The following TMEM135 variants were observed in gnomAD, a reference collection of about 807,000 sequenced individuals.
TMEM135 encodes transmembrane protein 135.
TMEM135 carries 30 observed loss-of-function variants against 60.3 expected under a neutral mutation model. The observed-to-expected ratio is 0.50, with a 90% confidence interval of 0.37 to 0.68. TMEM135 has a LOEUF of 0.68. Among genes scored for constraint, TMEM135 ranks in the 30% least tolerant of loss-of-function variants. The pLI is 0.00. For missense variants in TMEM135, 468 were observed against 548.8 expected (o/e 0.85, Z 1.47); for synonymous variants, 190 against 186.7 (o/e 1.02, Z -0.14).
Position 87,098,396 on chromosome 11 carries a change from A to G in TMEM135, c.396+7001A>G, listed in dbSNP as rs545691697. On this transcript the variant is annotated intron_variant, in intron 4 of 14. Coordinates refer to ENST00000305494, the MANE Select transcript of TMEM135 (RefSeq NM_022918.4). ...TACAAGTAAAACCTTGCTTTATTTG[A>G]CTGCATTAATGTTGTATTTTAGATT... 9.7e-5 allele frequency among the ~76,000 whole-genome samples: 10 copies of G among 102,926 alleles called. 1 individual carries two copies. Among genetic ancestry groups the G allele is most frequent in the African/African-American group, 4.2e-4 (9 of 21,512 alleles). 67.5% of individuals were successfully genotyped at this position (102,926 alleles called of 152,430 possible).
intron 4 of TMEM135, among the ~76,000 whole-genome samples, chr11:87,119,882 T>TG (rs138465013): frequency 0.067 from 9,818 of 147,600 alleles, 412 homozygotes; most frequent in South Asian, 0.13. Context: ...ACCTTTACTT[T>TG]TTTAAAAAAA....
intron 6 of TMEM135, among the ~76,000 whole-genome samples, chr11:87,280,646 A>G (rs1047112127): frequency 2.0e-4 from 30 of 152,180 alleles, no homozygotes; most frequent in African/African-American, 7.0e-4. Flanking sequence ...TGTGTACTTT[A>G]TATTAAAGTA....
chr11:87,272,686 T>C (rs1941893247), intron 6 of TMEM135, among the ~76,000 whole-genome samples: 1 of 152,114 alleles, frequency 6.6e-6, no homozygotes, highest in African/African-American at 2.4e-5. Context: ...GGTCTTGAAC[T>C]CCTGGGCTCA....
intron 6 of TMEM135, among the ~76,000 whole-genome samples, chr11:87,286,253 A>G (rs1565156968): frequency 6.6e-6 from 1 of 151,340 alleles, no homozygotes; most frequent in Admixed American, 6.6e-5. Context: ...TGAGCTAGAC[A>G]CAGAGTGCTT....
At chr11:87,039,174 G>A (rs1487092222) in intron 1 of TMEM135, among the ~76,000 whole-genome samples, 1 of 152,156 alleles carries the variant, frequency 6.6e-6, no homozygotes, top group East Asian at 1.9e-4. Flanking sequence ...AGTGTGTCAT[G>A]GCTGTATCTG....
intron 5 of TMEM135, among the ~76,000 whole-genome samples, chr11:87,218,132 T>C (rs542052072): frequency 6.6e-6 from 1 of 152,240 alleles, no homozygotes; most frequent in African/African-American, 2.4e-5. Context: ...AGGCCAGCGA[T>C]GCTACTAAAC....
intron 4 of TMEM135, among the ~76,000 whole-genome samples, chr11:87,112,733 T>C (rs1208827522): frequency 1.3e-5 from 2 of 152,052 alleles, no homozygotes; most frequent in African/African-American, 2.4e-5. Flanking sequence ...TGGAAGAAAA[T>C]CGTGTAGGGC....
At chr11:87,236,544 A>G (rs1940999974) in intron 5 of TMEM135, 94 bp from the exon 6 acceptor site, 7 of 1,016,178 alleles carry the variant, frequency 6.9e-6, no homozygotes, top group Non-Finnish European at 9.3e-6. Flanking sequence ...TTATTGTTTC[A>G]GGCACAAGAT....
intron 5 of TMEM135, among the ~76,000 whole-genome samples, chr11:87,210,958 A>G (rs1230311615): frequency 6.6e-6 from 1 of 152,234 alleles, no homozygotes; most frequent in Non-Finnish European, 1.5e-5. Flanking sequence ...ACTTCATGCT[A>G]AAAACCTCAA....
intron 4 of TMEM135, among the ~76,000 whole-genome samples, chr11:87,094,295 C>A (rs79023472): frequency 0.012 from 1,861 of 152,246 alleles, 35 homozygotes; most frequent in African/African-American, 0.038. Context: ...CTATATAATA[C>A]TTTTCTGAAG....
At position 87,323,256 on chromosome 11, in the gene TMEM135, T is replaced by A. The variant is rs1289519260; in HGVS notation, c.*1923T>A. On this transcript the variant is annotated 3_prime_UTR_variant, in exon 15 of 15. Transcript: ENST00000305494. Reference sequence around the variant, plus strand: ...AAATTGCAGTCATTTTTTTAAATTTTATGTAAAATGTAAAATGAAATAGCT... The same window carrying A: ...AAATTGCAGTCATTTTTTTAAATTTAATGTAAAATGTAAAATGAAATAGCT... 3 of 453,704 alleles carry A rather than the reference T, an allele frequency of 6.6e-6. No individual in the cohort carries two copies. Among genetic ancestry groups the A allele is most frequent in the South Asian group, 4.7e-5 (3 of 64,354 alleles). The allele number at this position is 453,704 out of a possible 1,614,324, so 28.1% of individuals were successfully genotyped here.
chr11:87,146,499 C>T (rs189776521), intron 4 of TMEM135, among the ~76,000 whole-genome samples: 1 of 152,242 alleles, frequency 6.6e-6, no homozygotes, highest in Non-Finnish European at 1.5e-5. Context: ...ACTTTAGCCT[C>T]CCAAGTAGCT....
At chr11:87,265,225 C>A (rs1027873609) in intron 6 of TMEM135, among the ~76,000 whole-genome samples, 10 of 151,846 alleles carry the variant, frequency 6.6e-5, no homozygotes, top group Admixed American at 1.3e-4. Context: ...GATTTTTAGT[C>A]CTACACATCT....
intron 1 of TMEM135, among the ~76,000 whole-genome samples, chr11:87,061,783 G>T (rs1159011758): frequency 1.3e-5 from 2 of 152,186 alleles, no homozygotes; most frequent in Admixed American, 1.3e-4. Flanking sequence ...AATAACAAGA[G>T]AATGTATATA....
intron 4 of TMEM135, among the ~76,000 whole-genome samples, chr11:87,109,748 G>T (rs1470891740): frequency 6.6e-6 from 1 of 151,916 alleles, no homozygotes; most frequent in Non-Finnish European, 1.5e-5. Flanking sequence ...AATCATCCTG[G>T]AGTTTTACGT....
intron 4 of TMEM135, among the ~76,000 whole-genome samples, chr11:87,149,191 T>G (rs1938489975): frequency 6.6e-6 from 1 of 152,220 alleles, no homozygotes; most frequent in South Asian, 2.1e-4. Context: ...TGCTTAACTT[T>G]GTCTTGACAA....
At chr11:87,170,714 A>T (rs1326701356) in intron 5 of TMEM135, among the ~76,000 whole-genome samples, 1 of 152,128 alleles carries the variant, frequency 6.6e-6, no homozygotes, top group Non-Finnish European at 1.5e-5. Context: ...CTCCTGTATG[A>T]GGTGTCTGTT....
chr11:87,040,902 G>A (rs751523090), intron 1 of TMEM135, among the ~76,000 whole-genome samples: 12 of 152,106 alleles, frequency 7.9e-5, no homozygotes, highest in Non-Finnish European at 1.3e-4. Context: ...GGTAGGGAAG[G>A]CCTCTTGAAG....
At chr11:87,119,018 C>T (rs1333530808) in intron 4 of TMEM135, among the ~76,000 whole-genome samples, 3 of 152,188 alleles carry the variant, frequency 2.0e-5, no homozygotes, top group African/African-American at 7.2e-5. Context: ...TCTTGTCATT[C>T]GTGTATTCAC....
Sources: gnomAD v4.1 joint callset for allele counts (sites outside exome capture counted in the v4.1 genomes callset) on GRCh38, gnomAD v4.1.1 for gene constraint, MANE v1.5 for transcripts, NCBI Gene and HGNC (gene_info 2026-07-23, HGNC 2026-07-21) for gene names.